RTN1: variants seen among roughly 807,000 people sequenced by gnomAD.
RTN1 encodes the protein reticulon 1.
A neutral mutation model predicts 65.5 loss-of-function variants in RTN1; 25 were observed. The observed-to-expected ratio is 0.38, with a 90% CI of 0.28 to 0.53. RTN1 has a LOEUF of 0.53. Among genes scored for constraint, RTN1 ranks in the 20% least tolerant of loss-of-function variants. The pLI is 0.79. For missense variants in RTN1, 983 were observed against 1,025.4 expected, an observed-to-expected ratio of 0.96 and a Z score of 0.57; for synonymous variants, 471 against 447.6, an observed-to-expected ratio of 1.05 and a Z score of -0.66.
chr14:59,720,877 G>C (rs1407640029), intron 3 of RTN1, among the ~76,000 whole-genome samples: 1 of 152,138 alleles, frequency 6.6e-6, no homozygotes, highest in East Asian at 1.9e-4. Flanking sequence ...TTCAGTGGAG[G>C]GGCATAGAGC....
At chr14:59,860,379 T>C (rs973004526) in intron 1 of RTN1, among the ~76,000 whole-genome samples, 2 of 152,198 alleles carry the variant, frequency 1.3e-5, no homozygotes, top group Non-Finnish European at 2.9e-5. Context: ...TTTGGGAACC[T>C]CCACCTAGAT....
intron 3 of RTN1, among the ~76,000 whole-genome samples, chr14:59,665,932 T>C (rs2140210755): frequency 6.6e-6 from 1 of 152,188 alleles, no homozygotes; most frequent in South Asian, 2.1e-4. Flanking sequence ...AGCACCCAGA[T>C]TCATAAAGCA....
At chr14:59,714,809 T>C (rs1884500157) in intron 3 of RTN1, among the ~76,000 whole-genome samples, 1 of 152,204 alleles carries the variant, frequency 6.6e-6, no homozygotes, top group Non-Finnish European at 1.5e-5. Context: ...CGCAGACTGG[T>C]ACTGGTCCGT....
chr14:59,695,922 A>G (rs1180732790), intron 3 of RTN1, among the ~76,000 whole-genome samples: 2 of 152,146 alleles, frequency 1.3e-5, no homozygotes, highest in African/African-American at 4.8e-5. Context: ...AACACTATAG[A>G]AAAATATTCA....
At chr14:59,658,493 G>A (rs1393037735) in intron 3 of RTN1, among the ~76,000 whole-genome samples, 2 of 152,194 alleles carry the variant, frequency 1.3e-5, no homozygotes, top group Non-Finnish European at 2.9e-5. Context: ...AGCTCCAGCT[G>A]GCATCTGGTG....
At chr14:59,731,386 G>A (rs1013280021) in intron 2 of RTN1, among the ~76,000 whole-genome samples, 31 of 151,990 alleles carry the variant, frequency 2.0e-4, no homozygotes, top group African/African-American at 7.0e-4. Context: ...TTTCTTTTTG[G>A]GGTAATAAGA....
At position 59,748,994 on chromosome 14, in the gene RTN1, C is replaced by T. The variant is rs1200573861; in HGVS notation, c.242-2513G>A. On this transcript the variant is annotated intron_variant, in intron 1 of 8. Transcript: ENST00000267484. ...TAATAGAGACAGGGTTTTGTCATGT[C>T]GGCCAGATGGTCTCGAACTCCTGAC... Among the ~76,000 whole-genome samples, 6 of 150,484 alleles carry T rather than the reference C, an allele frequency of 4.0e-5. No individual in the cohort carries two copies. In the East Asian group the frequency reaches 5.8e-4, roughly 15 times the overall value.
At chr14:59,819,867 G>A (rs1315143958) in intron 1 of RTN1, among the ~76,000 whole-genome samples, 1 of 152,132 alleles carries the variant, frequency 6.6e-6, no homozygotes, top group African/African-American at 2.4e-5. Context: ...CTCCGAGTGC[G>A]GGGCCCCTTG....
At chr14:59,600,262 G>A (rs1881538653) in intron 8 of RTN1, among the ~76,000 whole-genome samples, 1 of 148,676 alleles carries the variant, frequency 6.7e-6, no homozygotes. Flanking sequence ...GCAGTAATCG[G>A]ATGATGATGA....
chr14:59,705,938 G>A (rs545592272), intron 3 of RTN1, among the ~76,000 whole-genome samples: 4 of 152,194 alleles, frequency 2.6e-5, no homozygotes, highest in South Asian at 4.2e-4. Flanking sequence ...CTGCCTCCCC[G>A]TTCACCCCCA....
intron 3 of RTN1, among the ~76,000 whole-genome samples, chr14:59,703,396 T>C (rs1761567830): frequency 6.6e-6 from 1 of 152,080 alleles, no homozygotes; most frequent in Admixed American, 6.5e-5. Context: ...GATCTGATTG[T>C]TTAAAAGAGT....
At chr14:59,839,193 G>A (rs1175019899) in intron 1 of RTN1, among the ~76,000 whole-genome samples, 1 of 151,898 alleles carries the variant, frequency 6.6e-6, no homozygotes, top group Non-Finnish European at 1.5e-5. Context: ...ATATTTTTTT[G>A]CTTTCTACTA....
intron 1 of RTN1, among the ~76,000 whole-genome samples, chr14:59,843,521 G>A (rs1887351989): frequency 6.6e-6 from 1 of 152,152 alleles, no homozygotes; most frequent in Non-Finnish European, 1.5e-5. Flanking sequence ...TCTGACAGGT[G>A]GATGATGTTT....
At chr14:59,670,886 T>A (rs1250598723) in intron 3 of RTN1, among the ~76,000 whole-genome samples, 1 of 152,086 alleles carries the variant, frequency 6.6e-6, no homozygotes, top group African/African-American at 2.4e-5. Flanking sequence ...TATTAACACA[T>A]CTTTGAAAGC....
At chr14:59,614,329 C>T (rs1201068760) in intron 3 of RTN1, among the ~76,000 whole-genome samples, 1 of 152,234 alleles carries the variant, frequency 6.6e-6, no homozygotes, top group East Asian at 1.9e-4. Flanking sequence ...TCCAAGGGCT[C>T]CACCCTGAAG....
At chr14:59,780,190 T>C (rs1886127690) in intron 1 of RTN1, among the ~76,000 whole-genome samples, 1 of 152,132 alleles carries the variant, frequency 6.6e-6, no homozygotes, top group South Asian at 2.1e-4. Context: ...GAGGTCACTG[T>C]GATTTGTGCT....
At chr14:59,665,099 T>C (rs1338684907) in intron 3 of RTN1, among the ~76,000 whole-genome samples, 1 of 152,116 alleles carries the variant, frequency 6.6e-6, no homozygotes, top group Non-Finnish European at 1.5e-5. Context: ...CATGCTTACT[T>C]AACATCTATA....
At chr14:59,859,501 A>G (rs1218304320) in intron 1 of RTN1, among the ~76,000 whole-genome samples, 2 of 152,370 alleles carry the variant, frequency 1.3e-5, no homozygotes, top group Admixed American at 6.5e-5. Flanking sequence ...GCATTATGAA[A>G]GCTGACTAAT....
intron 1 of RTN1, among the ~76,000 whole-genome samples, chr14:59,779,871 C>T (rs1886121141): frequency 2.0e-5 from 3 of 152,222 alleles, no homozygotes; most frequent in Admixed American, 1.3e-4. Flanking sequence ...CCTGCAGTCT[C>T]AGAGGAGACC....
Sources: gnomAD v4.1 joint callset for allele counts (sites outside exome capture counted in the v4.1 genomes callset) on GRCh38, gnomAD v4.1.1 for gene constraint, MANE v1.5 for transcripts, NCBI Gene and HGNC (gene_info 2026-07-23, HGNC 2026-07-21) for gene names.